FBXO34: variants seen among roughly 807,000 people sequenced by gnomAD.
The protein encoded by FBXO34 is F-box only protein 34.
In FBXO34, 12 loss-of-function variants were observed where a neutral mutation model predicts 24.5. The ratio of observed to expected loss-of-function variants is 0.49; its 90% CI spans 0.31 to 0.79. FBXO34 has a LOEUF of 0.79. Among genes scored for constraint, FBXO34 ranks in the 30% least tolerant of loss-of-function variants. FBXO34 has a pLI of 0.04. For synonymous variants in FBXO34, 320 were observed against 311.9 expected (o/e 1.03, Z -0.27); for missense variants, 823 against 857.7 (o/e 0.96, Z 0.51).
the FBXO34 span, among the ~76,000 whole-genome samples, chr14:55,384,465 CTT>C: frequency 3.3e-5 from 5 of 152,222 alleles, no homozygotes; most frequent in African/African-American, 1.2e-4. Flanking sequence ...GCTAATATCT[CTT>C]TTGGGGTTCA....
the FBXO34 span, among the ~76,000 whole-genome samples, chr14:55,412,491 C>T: frequency 2.6e-5 from 4 of 152,152 alleles, no homozygotes; most frequent in Non-Finnish European, 5.9e-5. Flanking sequence ...CCTTCCCTAC[C>T]CTGGGCCATG....
intron 1 of FBXO34, among the ~76,000 whole-genome samples, chr14:55,287,431 A>G (rs1185650694): frequency 6.6e-6 from 1 of 152,196 alleles, no homozygotes; most frequent in Non-Finnish European, 1.5e-5. Flanking sequence ...ACATAAGTAT[A>G]AGAAAAAAGT....
chr14:55,430,217 C>T, the FBXO34 span, among the ~76,000 whole-genome samples: 1 of 151,896 alleles, frequency 6.6e-6, no homozygotes, highest in Non-Finnish European at 1.5e-5. Flanking sequence ...TGGGTTTGGC[C>T]CTATTTTTAG....
At chr14:55,275,650 TAA>T (rs772731752) in intron 1 of FBXO34, among the ~76,000 whole-genome samples, 18 of 133,848 alleles carry the variant, frequency 1.3e-4, no homozygotes, top group South Asian at 2.3e-4. Context: ...CCATCTCTAC[TAA>T]AAAAAAAAAA....
chr14:55,356,820 C>T (rs1266023472), downstream of FBXO34, among the ~76,000 whole-genome samples: 6 of 152,112 alleles, frequency 3.9e-5, no homozygotes, highest in Non-Finnish European at 8.8e-5. Flanking sequence ...ATGATCTCGA[C>T]TCATTGCAGC....
intron 1 of FBXO34, among the ~76,000 whole-genome samples, chr14:55,331,014 G>A (rs1285874463): frequency 6.6e-6 from 1 of 152,182 alleles, no homozygotes; most frequent in Admixed American, 6.5e-5. Context: ...TAAAAGATCT[G>A]TTTGATAATT....
At chr14:55,326,047 AC>A (rs1361996374) in intron 1 of FBXO34, 1 of 152,092 alleles carries the variant, frequency 6.6e-6, no homozygotes, top group Non-Finnish European at 1.5e-5. Flanking sequence ...CAATCCAAAT[AC>A]CTTTTTTGTA....
At chr14:55,437,504 A>G in the FBXO34 span, among the ~76,000 whole-genome samples, 1 of 152,204 alleles carries the variant, frequency 6.6e-6, no homozygotes, top group Admixed American at 6.5e-5. Flanking sequence ...CAGTTACAGC[A>G]CACTTAATGG....
chr14:55,280,496 A>T (rs1015653711), intron 1 of FBXO34, among the ~76,000 whole-genome samples: 2 of 150,272 alleles, frequency 1.3e-5, no homozygotes, highest in Non-Finnish European at 3.0e-5. Context: ...CGTAGGTTAT[A>T]TGCAAATACT....
chr14:55,280,432 G>A (rs1167606740), intron 1 of FBXO34, among the ~76,000 whole-genome samples: 1 of 151,390 alleles, frequency 6.6e-6, no homozygotes, highest in African/African-American at 2.4e-5. Flanking sequence ...CGTTTACATT[G>A]TATTAGGTAT....
the FBXO34 span, among the ~76,000 whole-genome samples, chr14:55,387,544 C>A: frequency 6.6e-6 from 1 of 152,140 alleles, no homozygotes. Flanking sequence ...CCCACTGAAG[C>A]CTTGCTGTCT....
chr14:55,382,036 A>G, the FBXO34 span: 1 of 1,614,136 alleles, frequency 6.2e-7, no homozygotes, highest in Non-Finnish European at 8.5e-7. Context: ...AGGGAGGCTA[A>G]TCCAAGGCCC....
intron 1 of FBXO34, among the ~76,000 whole-genome samples, chr14:55,346,127 T>C (rs1333483483): frequency 6.6e-6 from 1 of 152,344 alleles, no homozygotes; most frequent in Admixed American, 6.5e-5. Context: ...TGCCTTCAAA[T>C]TGTATCTTAA....
intron 1 of FBXO34, among the ~76,000 whole-genome samples, chr14:55,272,587 GC>G (rs1214905077): frequency 2.0e-5 from 3 of 150,428 alleles, no homozygotes; most frequent in African/African-American, 4.9e-5. Flanking sequence ...TTAGAAAATG[GC>G]CAGGAGGAGG....
chr14:55,299,947 A>G (rs1289944823), intron 1 of FBXO34, among the ~76,000 whole-genome samples: 1 of 152,216 alleles, frequency 6.6e-6, no homozygotes, highest in African/African-American at 2.4e-5. Context: ...TTCCCCTCCA[A>G]CTTCCCCCTC....
intron 1 of FBXO34, among the ~76,000 whole-genome samples, chr14:55,308,055 G>T (rs1882613136): frequency 6.6e-6 from 1 of 152,154 alleles, no homozygotes; most frequent in African/African-American, 2.4e-5. Context: ...TTATAAATGG[G>T]ATTCTCCTGC....
At chr14:55,329,883 A>G (rs964161470) in intron 1 of FBXO34, among the ~76,000 whole-genome samples, 1 of 151,942 alleles carries the variant, frequency 6.6e-6, no homozygotes, top group Non-Finnish European at 1.5e-5. Flanking sequence ...GCGTTTTTAC[A>G]TTAAGATAAA....
chr14:55,429,494 T>G, the FBXO34 span, among the ~76,000 whole-genome samples: 3 of 152,182 alleles, frequency 2.0e-5, no homozygotes, highest in African/African-American at 7.2e-5. Context: ...CTGGGCACAG[T>G]GGCTCACGCC....
intron 1 of FBXO34, among the ~76,000 whole-genome samples, chr14:55,348,508 A>G (rs1443834438): frequency 6.6e-6 from 1 of 152,118 alleles, no homozygotes; most frequent in Non-Finnish European, 1.5e-5. Flanking sequence ...CTCCACATTT[A>G]CTGAGTGCCT....
Sources: gnomAD v4.1 joint callset for allele counts (sites outside exome capture counted in the v4.1 genomes callset) on GRCh38, gnomAD v4.1.1 for gene constraint, MANE v1.5 for transcripts, NCBI Gene and HGNC (gene_info 2026-07-23, HGNC 2026-07-21) for gene names.